The following PLEKHA7 variants were observed in gnomAD, a reference collection of about 807,000 sequenced individuals.
PLEKHA7 encodes the protein pleckstrin homology domain containing A7.
In PLEKHA7, 104 loss-of-function variants were observed where a neutral mutation model predicts 170.0. The observed-to-expected ratio is 0.61, with a 90% CI of 0.52 to 0.72. PLEKHA7 has a LOEUF of 0.72. Among genes scored for constraint, PLEKHA7 ranks in the 30% least tolerant of loss-of-function variants. The probability of loss-of-function intolerance (pLI) is 0.00; values close to 1 mark genes in which losing one functional copy is unlikely to be tolerated. For synonymous variants in PLEKHA7, 648 were observed against 660.8 expected, an observed-to-expected ratio of 0.98 and a Z score of 0.30; for missense variants, 1,615 against 1,671.7, an observed-to-expected ratio of 0.97 and a Z score of 0.59.
At chr11:16,818,339 T>A (rs981223019) in intron 10 of PLEKHA7, among the ~76,000 whole-genome samples, 4 of 152,254 alleles carry the variant, frequency 2.6e-5, no homozygotes, top group Non-Finnish European at 5.9e-5. Context: ...CCCCCACATC[T>A]GATACACAGA....
chr11:16,844,854 A>G (rs535615504), intron 8 of PLEKHA7, among the ~76,000 whole-genome samples: 1 of 152,336 alleles, frequency 6.6e-6, no homozygotes, highest in South Asian at 2.1e-4. Flanking sequence ...CCATCAACTG[A>G]CTGGCTCATT....
intron 13 of PLEKHA7, among the ~76,000 whole-genome samples, chr11:16,804,891 G>A (rs1371724473): frequency 6.6e-6 from 1 of 152,156 alleles, no homozygotes; most frequent in Non-Finnish European, 1.5e-5. Context: ...CTGCAATGCG[G>A]GGGGGGCGGT....
chr11:16,936,401 C>CA (rs57104068), intron 3 of PLEKHA7, among the ~76,000 whole-genome samples: 840 of 68,064 alleles, frequency 0.012, 69 homozygotes, highest in African/African-American at 0.02. Context: ...GACTCTGTCT[C>CA]AAAAAAAAAA....
intron 26 of PLEKHA7, among the ~76,000 whole-genome samples, chr11:16,782,116 CAGACACACATACACACACACAT>C (rs1454657861): frequency 2.6e-5 from 4 of 151,986 alleles, no homozygotes; most frequent in African/African-American, 9.6e-5. Flanking sequence ...CACAGACACA[CAGACACACATACACACACACAT>C]AGACACACAT....
At chr11:16,891,659 A>G (rs180739695) in intron 3 of PLEKHA7, among the ~76,000 whole-genome samples, 102 of 152,322 alleles carry the variant, frequency 6.7e-4, no homozygotes, top group African/African-American at 2.3e-3. Context: ...TAATAATAGT[A>G]TAGAGTCCAA....
At chr11:16,926,129 A>C (rs1317207672) in intron 3 of PLEKHA7, among the ~76,000 whole-genome samples, 2 of 152,200 alleles carry the variant, frequency 1.3e-5, no homozygotes, top group African/African-American at 4.8e-5. Context: ...GTCTTCTAAC[A>C]ATCCCTGGTA....
chr11:16,921,234 T>C (rs1448976474), intron 3 of PLEKHA7, among the ~76,000 whole-genome samples: 1 of 139,866 alleles, frequency 7.1e-6, no homozygotes, highest in Non-Finnish European at 1.7e-5. Flanking sequence ...CCTTGAAAAC[T>C]CTGAGCCTAA....
intron 3 of PLEKHA7, among the ~76,000 whole-genome samples, chr11:16,881,795 A>G (rs1229693778): frequency 6.6e-6 from 1 of 152,178 alleles, no homozygotes; most frequent in Non-Finnish European, 1.5e-5. Context: ...CTCCTTATCA[A>G]TATTTCATAC....
At chr11:16,818,546 T>A (rs2134746778) in intron 10 of PLEKHA7, among the ~76,000 whole-genome samples, 1 of 152,342 alleles carries the variant, frequency 6.6e-6, no homozygotes, top group East Asian at 1.9e-4. Context: ...CTGTTTGACC[T>A]CGTCATCACA....
chr11:16,906,858 G>A (rs1403151249), intron 3 of PLEKHA7, among the ~76,000 whole-genome samples: 79 of 138,466 alleles, frequency 5.7e-4, no homozygotes, highest in Non-Finnish European at 1.0e-3. Context: ...CTGCCCGGCC[G>A]CCATCCCATC....
At chr11:16,838,265 TGGGA>T (rs1851674035) in intron 9 of PLEKHA7, among the ~76,000 whole-genome samples, 1 of 152,060 alleles carries the variant, frequency 6.6e-6, no homozygotes, top group South Asian at 2.1e-4. Flanking sequence ...CTCAGCTACT[TGGGA>T]GGCTGAGCTA....
intron 13 of PLEKHA7, among the ~76,000 whole-genome samples, chr11:16,805,805 AAAC>A (rs1323550378): frequency 6.9e-6 from 1 of 143,986 alleles, no homozygotes; most frequent in African/African-American, 2.9e-5. Flanking sequence ...AAAAAAAAAA[AAAC>A]AAAAACAAAA....
chr11:16,961,318 G>A (rs749598334), intron 3 of PLEKHA7, among the ~76,000 whole-genome samples: 29 of 152,206 alleles, frequency 1.9e-4, no homozygotes, highest in Admixed American at 7.2e-4. Context: ...GGCCGCCCAA[G>A]CGCCTTGAGG....
chr11:16,835,684 C>T (rs965689252), intron 9 of PLEKHA7, among the ~76,000 whole-genome samples: 3 of 152,108 alleles, frequency 2.0e-5, no homozygotes, highest in Admixed American at 6.5e-5. Flanking sequence ...ATCAAGGTTT[C>T]AAAAGCATGC....
chr11:16,983,201 AG>A (rs1415650663), intron 3 of PLEKHA7, among the ~76,000 whole-genome samples: 1 of 152,216 alleles, frequency 6.6e-6, no homozygotes, highest in African/African-American at 2.4e-5. Flanking sequence ...AGAGCAGAGA[AG>A]ATTTCAGCTC....
At chr11:16,942,577 C>G (rs1860764350) in intron 3 of PLEKHA7, among the ~76,000 whole-genome samples, 1 of 152,220 alleles carries the variant, frequency 6.6e-6, no homozygotes, top group Non-Finnish European at 1.5e-5. Flanking sequence ...GTGTCTCACA[C>G]ACTAGTATCC....
chr11:16,794,992 T>C lies in PLEKHA7; in HGVS notation c.2436A>G (p.Leu812=), dbSNP rs144733227. The change falls in exon 18 of 27, where the codon CTA becomes CTG. Residue 812 remains leucine, a synonymous_variant. Transcript: ENST00000531066. ...FQEKSQIQKD[L]WRIEDVTAGL... ...CTGCAGTGACATCTTCAATTCTCCA[T>C]AGATCTTTCTGTATCTGCGATTTCT... The C allele has an allele frequency of 7.9e-5, 128 of 1,613,874 alleles. 1 individual carries two copies. In the East Asian group the frequency reaches 2.5e-3, roughly 32 times the overall value.
intron 3 of PLEKHA7, among the ~76,000 whole-genome samples, chr11:16,936,234 T>C (rs1860281685): frequency 6.6e-6 from 1 of 151,620 alleles, no homozygotes; most frequent in Admixed American, 6.6e-5. Context: ...ACCCTGTCTC[T>C]ACTAAAAAAT....
chr11:16,895,709 C>G (rs79699101), intron 3 of PLEKHA7, among the ~76,000 whole-genome samples: 2,368 of 152,320 alleles, frequency 0.016, 60 homozygotes, highest in African/African-American at 0.054. Flanking sequence ...GGCCTCGTTA[C>G]TAATGCACAA....
Sources: allele counts gnomAD v4.1 joint callset (sites outside exome capture counted in the v4.1 genomes callset), GRCh38; gene constraint gnomAD v4.1.1; transcripts MANE v1.5; gene names NCBI Gene and HGNC (gene_info 2026-07-23, HGNC 2026-07-21).